Variants in MACO1 observed in about 807,000 individuals in gnomAD.
MACO1 encodes the protein macoilin 1.
MACO1 carries 14 observed loss-of-function variants against 78.7 expected under a neutral mutation model. That is an observed-to-expected ratio of 0.18 (90% CI 0.12 to 0.28). The LOEUF is 0.28. MACO1 is among the 10% of genes least tolerant of loss of function. The pLI, the probability that MACO1 is intolerant of heterozygous loss-of-function variation, is 1.00. For synonymous variants in MACO1, 288 were observed against 291.6 expected, an observed-to-expected ratio of 0.99 and a Z score of 0.12; for missense variants, 501 against 799.0, an observed-to-expected ratio of 0.63 and a Z score of 4.50.
chr1:25,474,349 ACTTGTGTTTTGCTC>A lies in MACO1; in HGVS notation c.1155-9765_1155-9752del, dbSNP rs143212192. Among the ~76,000 whole-genome samples, 1,511 of 152,214 alleles carry A rather than the reference ACTTGTGTTTTGCTC, an allele frequency of 9.9e-3. 21 individuals are homozygous for A. Among genetic ancestry groups the A allele is most frequent in the African/African-American group, 0.035 (1,450 of 41,522 alleles). On this transcript the variant is annotated intron_variant, in intron 6 of 10. Coordinates refer to ENST00000374343, the MANE Select transcript of MACO1 (RefSeq NM_018202.6). The stretch of plus-strand genomic sequence containing the variant: ...CTCTGTGCCTCACTTTTTCTGTTAT[ACTTGTGTTTTGCTC>A]CCTCTAGCCCTCTGGCCCCACCAGT...
intron 8 of MACO1, among the ~76,000 whole-genome samples, chr1:25,486,178 T>C (rs1446781487): frequency 6.6e-6 from 1 of 152,222 alleles, no homozygotes; most frequent in African/African-American, 2.4e-5. Flanking sequence ...CTCTTAGGTA[T>C]ATGTGTTTCT....
intron 6 of MACO1, among the ~76,000 whole-genome samples, chr1:25,460,406 G>GTT (rs1175896905): frequency 9.3e-5 from 13 of 140,186 alleles, no homozygotes; most frequent in Admixed American, 1.4e-4. Flanking sequence ...TCCTACACAT[G>GTT]TTTTTTTTTT....
At chr1:25,458,984 TA>T in intron 6 of MACO1, 92 bp downstream of exon 6, 2 of 1,456,818 alleles carry the variant, frequency 1.4e-6, no homozygotes, top group Non-Finnish European at 1.8e-6. Flanking sequence ...GGATTGTTTG[TA>T]ATCAGATATT....
rs1419077283 is a variant in MACO1 at position 25,498,423 on chromosome 1, G to A, written c.1952G>A (p.Gly651Glu). Residue 651 changes from glycine (G) to glutamate (E), a missense_variant, in exon 11 of 11, where the codon GGA (glycine) becomes GAA (glutamate). By Grantham distance (98) the Gly-to-Glu change is moderately conservative. This residue lies in a region of MACO1 where 66 missense variants were observed against 101.6 expected (regional missense o/e 0.65). Coordinates refer to ENST00000374343, the MANE Select transcript of MACO1 (RefSeq NM_018202.6). ...SSKFVETSPSGLDPNASVYQP... is the reference protein window; with the variant it reads ...SSKFVETSPSELDPNASVYQP... ...AAATTTGTGGAGACCAGCCCCTCTG[G>A]ACTTGACCCCAATGCCTCTGTTTAC... 1 of 1,613,820 alleles carries A rather than the reference G, an allele frequency of 6.2e-7. No homozygotes were observed. Among genetic ancestry groups the A allele is most frequent in the Non-Finnish European group, 8.5e-7 (1 of 1,179,924 alleles).
chr1:25,467,632 G>A (rs1424076012), intron 6 of MACO1, among the ~76,000 whole-genome samples: 1 of 151,752 alleles, frequency 6.6e-6, no homozygotes, highest in Non-Finnish European at 1.5e-5. Context: ...CTTTAAAGTA[G>A]TTGAATTGTA....
At chr1:25,475,585 G>GAC (rs888155975) in intron 6 of MACO1, among the ~76,000 whole-genome samples, 2 of 151,336 alleles carry the variant, frequency 1.3e-5, no homozygotes, top group Admixed American at 6.6e-5. Context: ...AAAAGTAAGA[G>GAC]ACTTGGATTT....
Position 25,498,382 on chromosome 1 carries a change from C to T in MACO1, c.1911C>T (p.Ser637=), listed in dbSNP as rs1323974617. Residue 637 remains serine (S), a synonymous_variant, in exon 11 of 11, where the codon TCC becomes TCT. Transcript: ENST00000374343. ...SAATSPLSPV[S]PHYSSKFVET... ...CCACCAGCCCCCTGAGCCCTGTTTCCCCCCACTACTCTTCCAAATTTGTGG... is the reference window on the plus strand; with the variant it reads ...CCACCAGCCCCCTGAGCCCTGTTTCTCCCCACTACTCTTCCAAATTTGTGG... 3.7e-6 allele frequency: 6 copies of T among 1,613,954 alleles called. 2 individuals carry two copies. In the Admixed American group the frequency reaches 1.0e-4, roughly 27 times the overall value.
At chr1:25,475,126 C>T (rs1352650551) in intron 6 of MACO1, among the ~76,000 whole-genome samples, 1 of 152,056 alleles carries the variant, frequency 6.6e-6, no homozygotes, top group Non-Finnish European at 1.5e-5. Context: ...GGGCGGATCA[C>T]GAGGTCAGGA....
chr1:25,465,291 A>G (rs2043208681), intron 6 of MACO1, among the ~76,000 whole-genome samples: 1 of 152,210 alleles, frequency 6.6e-6, no homozygotes, highest in Non-Finnish European at 1.5e-5. Flanking sequence ...TGGGGTGGAC[A>G]TAAGTTTTCA....
At chr1:25,465,200 A>G (rs1016995882) in intron 6 of MACO1, among the ~76,000 whole-genome samples, 5 of 152,200 alleles carry the variant, frequency 3.3e-5, no homozygotes, top group African/African-American at 9.6e-5. Flanking sequence ...AAGTTTATCC[A>G]TTCACCTGCT....
intron 6 of MACO1, among the ~76,000 whole-genome samples, chr1:25,465,886 G>C (rs2124592987): frequency 6.6e-6 from 1 of 152,234 alleles, no homozygotes; most frequent in East Asian, 1.9e-4. Context: ...CATCTGGCTT[G>C]TTTCACTTAA....
intron 1 of MACO1, among the ~76,000 whole-genome samples, chr1:25,435,423 T>TTTAA (rs2042911581): frequency 6.6e-6 from 1 of 152,230 alleles, no homozygotes; most frequent in Non-Finnish European, 1.5e-5. Context: ...AAAAGTGACT[T>TTTAA]TTTAAAGTGA....
chr1:25,462,882 C>T (rs756359629), intron 6 of MACO1, among the ~76,000 whole-genome samples: 27 of 91,288 alleles, frequency 3.0e-4, no homozygotes, highest in Non-Finnish European at 5.4e-4. Context: ...AACAACAGCA[C>T]ACAGGCCAAA....
At position 25,456,632 on chromosome 1, in the gene MACO1, G is replaced by T. The variant is rs751826204; in HGVS notation, c.474-21G>T. ...GTTCATTTTAAACCTACAATTACTG[G>T]CTGGATTGTCTTCTTTCTAGTATTG... On this transcript the variant is annotated intron_variant, in intron 4 of 10. Coordinates refer to ENST00000374343, the MANE Select transcript of MACO1 (RefSeq NM_018202.6). 5.5e-5 allele frequency: 89 copies of T among 1,605,496 alleles called. 1 individual carries two copies. The South Asian group carries it at 9.9e-4, about 18-fold the overall frequency.
intron 6 of MACO1, among the ~76,000 whole-genome samples, chr1:25,465,844 A>T (rs1489653231): frequency 1.3e-5 from 2 of 152,320 alleles, no homozygotes; most frequent in Admixed American, 6.5e-5. Context: ...GCACCCACTT[A>T]TGAGTACAAA....
intron 4 of MACO1, among the ~76,000 whole-genome samples, chr1:25,456,214 C>G (rs573470513): frequency 2.7e-5 from 4 of 149,846 alleles, no homozygotes; most frequent in African/African-American, 9.9e-5. Context: ...GCCGAGATCA[C>G]ACCACTGCAC....
intron 6 of MACO1, among the ~76,000 whole-genome samples, chr1:25,475,585 G>A (rs527369811): frequency 8.3e-4 from 125 of 151,446 alleles, no homozygotes; most frequent in Non-Finnish European, 1.5e-3. Flanking sequence ...AAAAGTAAGA[G>A]ACTTGGATTT....
chr1:25,469,779 G>A (rs1031075310), intron 6 of MACO1, among the ~76,000 whole-genome samples: 1 of 151,888 alleles, frequency 6.6e-6, no homozygotes, highest in East Asian at 1.9e-4. Context: ...TGGGACTACA[G>A]GCGTGCGCCA....
rs996271457 is a variant in MACO1 at position 25,499,874 on chromosome 1, A to C, written c.*1408A>C. 6.6e-6 allele frequency: 1 copy of C among 152,240 alleles called. No individual in the cohort carries two copies. Among genetic ancestry groups the C allele is most frequent in the African/African-American group, 2.4e-5 (1 of 41,466 alleles). 9.4% of individuals were successfully genotyped at this position (152,240 alleles called of 1,614,324 possible). A position where few individuals can be genotyped will look rare whatever the true frequency, so the allele number is the denominator to read the frequency against. ...GCAAATTAAGTAGGACAAGCAAGTCAGTAAAATAGAAGTATTAAAAAGAAT... is the reference window on the plus strand; with the variant it reads ...GCAAATTAAGTAGGACAAGCAAGTCCGTAAAATAGAAGTATTAAAAAGAAT... On this transcript the variant is annotated 3_prime_UTR_variant, in exon 11 of 11. Transcript: ENST00000374343.
Sources: gnomAD v4.1 joint callset for allele counts (sites outside exome capture counted in the v4.1 genomes callset) on GRCh38, gnomAD v4.1.1 for gene constraint, gnomAD v4.1.1 regional missense constraint, MANE v1.5 for transcripts, NCBI Gene and HGNC (gene_info 2026-07-23, HGNC 2026-07-21) for gene names.